The following EFCAB11 variants were observed in gnomAD, a reference collection of about 807,000 sequenced individuals.
EFCAB11 encodes EF-hand calcium-binding domain-containing protein 11.
A neutral mutation model predicts 23.0 loss-of-function variants in EFCAB11; 14 were observed. The ratio of observed to expected loss-of-function variants is 0.61; its 90% confidence interval spans 0.40 to 0.95. The LOEUF (loss-of-function observed/expected upper bound fraction) is 0.95, where lower values mean the gene tolerates loss of function less well. Among genes scored for constraint, EFCAB11 ranks in the 40% least tolerant of loss-of-function variants. The pLI, the probability that EFCAB11 is intolerant of heterozygous loss-of-function variation, is 0.00. For synonymous variants in EFCAB11, 65 were observed against 66.6 expected, an observed-to-expected ratio of 0.98 and a Z score of 0.11; for missense variants, 198 against 195.8, an observed-to-expected ratio of 1.01 and a Z score of -0.07.
At chr14:89,895,329 C>G (rs932625264) in intron 5 of EFCAB11, among the ~76,000 whole-genome samples, 1 of 152,128 alleles carries the variant, frequency 6.6e-6, no homozygotes, top group Non-Finnish European at 1.5e-5. Context: ...GAAATCTGAA[C>G]AGTTTCTGGT....
intron 5 of EFCAB11, chr14:89,923,722 T>C: frequency 1.0e-6 from 1 of 985,456 alleles, no homozygotes; most frequent in South Asian, 4.7e-5. Flanking sequence ...TTAATAACTG[T>C]GATCTTACTG....
At chr14:89,892,062 T>G in intron 5 of EFCAB11, 1 of 1,541,118 alleles carries the variant, frequency 6.5e-7, no homozygotes. Context: ...GTGGGTGTCC[T>G]GCTGGTCTTT....
rs1399229373 is a variant in EFCAB11, at chr14:89,834,388, A to AC, written c.411-37065_411-37064insG. On this transcript the variant is annotated intron_variant, in intron 5 of 5. Transcript: ENST00000316738. ...GAGACTCCGTCTCAAAAAAAAAAAA[A>AC]AAAAAAAAAAAAAAACCTTTTTGTT... is the stretch of plus-strand genomic sequence containing the variant. 8.3e-4 allele frequency among the ~76,000 whole-genome samples: 124 copies of AC among 148,984 alleles called. 1 individual carries two copies. The highest frequency in any genetic ancestry group is 2.2e-3 in the African/African-American group (90 of 40,310).
At chr14:89,826,006 A>C (rs1181133996) in intron 5 of EFCAB11, among the ~76,000 whole-genome samples, 20 of 152,188 alleles carry the variant, frequency 1.3e-4, no homozygotes, top group Admixed American at 1.3e-3. Flanking sequence ...ATAGTAGCCA[A>C]TAAGACTGAC....
At chr14:89,851,155 T>C (rs1596401295) in intron 5 of EFCAB11, among the ~76,000 whole-genome samples, 1 of 152,218 alleles carries the variant, frequency 6.6e-6, no homozygotes, top group Non-Finnish European at 1.5e-5. Flanking sequence ...TTACCCTCTA[T>C]CCAGCCATTA....
At chr14:89,852,806 A>G (rs1032607699) in intron 5 of EFCAB11, among the ~76,000 whole-genome samples, 3 of 152,230 alleles carry the variant, frequency 2.0e-5, no homozygotes, top group African/African-American at 7.2e-5. Flanking sequence ...GCCATTTTTA[A>G]GTCCAGTCAC....
intron 5 of EFCAB11, among the ~76,000 whole-genome samples, chr14:89,891,403 C>A (rs2140188727): frequency 6.6e-6 from 1 of 152,188 alleles, no homozygotes; most frequent in Non-Finnish European, 1.5e-5. Context: ...TACCTTTGTA[C>A]TTTTAATTCA....
chr14:89,921,377 G>C (rs1890018702), intron 5 of EFCAB11, among the ~76,000 whole-genome samples: 1 of 152,136 alleles, frequency 6.6e-6, no homozygotes, highest in Non-Finnish European at 1.5e-5. Context: ...TTATTTGGTA[G>C]GGAATAAAAA....
At chr14:89,917,052 TC>T (rs1376079799) in intron 5 of EFCAB11, among the ~76,000 whole-genome samples, 19 of 116,794 alleles carry the variant, frequency 1.6e-4, no homozygotes, top group Non-Finnish European at 3.2e-4. Context: ...CTGACATGCT[TC>T]GTGTGTGTGT....
intron 5 of EFCAB11, among the ~76,000 whole-genome samples, chr14:89,870,155 G>A (rs1213961522): frequency 6.6e-6 from 1 of 152,100 alleles, no homozygotes; most frequent in African/African-American, 2.4e-5. Flanking sequence ...ATAAACATAG[G>A]TGTTTAGCAT....
At chr14:89,804,495 A>G (rs538041607) in intron 5 of EFCAB11, among the ~76,000 whole-genome samples, 29 of 152,354 alleles carry the variant, frequency 1.9e-4, no homozygotes, top group African/African-American at 7.0e-4. Flanking sequence ...CGCTCATAGT[A>G]GTAATGAGCT....
chr14:89,925,971 G>A lies in EFCAB11; in HGVS notation c.410+5570C>T, dbSNP rs1445751188. ...AGCCTCCTGAGTAGCTGGGATTACA[G>A]GTATGCACCACCATGCTGGGATAAT... On this transcript the variant is annotated intron_variant, in intron 5 of 5. Transcript: ENST00000316738. 2.0e-5 allele frequency among the ~76,000 whole-genome samples: 3 copies of A among 152,122 alleles called. No individual in the cohort carries two copies. The East Asian group carries it at 5.8e-4, about 29-fold the overall frequency.
At chr14:89,799,062 T>C (rs1414863469) in intron 5 of EFCAB11, 1 of 152,282 alleles carries the variant, frequency 6.6e-6, no homozygotes, top group Non-Finnish European at 1.5e-5. Flanking sequence ...GTGCTGGGAT[T>C]ATAGGCATGA....
At position 89,817,731 on chromosome 14, in the gene EFCAB11, C is replaced by T. The variant is rs183963613; in HGVS notation, c.411-20407G>A. Among the ~76,000 whole-genome samples, 18 of 152,250 alleles carry T rather than the reference C, an allele frequency of 1.2e-4. No homozygotes were observed. In the East Asian group the frequency reaches 2.9e-3, roughly 24 times the overall value. Reference sequence around the variant, plus strand: ...TTGCAAGGCCAGGCGCGGTGGCTCACGCTTGTAATCCCAGCACTTTGGGAG... The same window carrying T: ...TTGCAAGGCCAGGCGCGGTGGCTCATGCTTGTAATCCCAGCACTTTGGGAG... On this transcript the variant is annotated intron_variant, in intron 5 of 5. Transcript: ENST00000316738.
chr14:89,797,467 GT>G, intron 5 of EFCAB11, 143 bp from the exon 6 acceptor site: 1 of 540,330 alleles, frequency 1.9e-6, no homozygotes, highest in African/African-American at 1.9e-5. Context: ...ATTGATGCCT[GT>G]TTTTTCATTG....
chr14:89,853,473 T>A (rs1351202750), intron 5 of EFCAB11, among the ~76,000 whole-genome samples: 1 of 152,144 alleles, frequency 6.6e-6, no homozygotes, highest in Non-Finnish European at 1.5e-5. Context: ...AATATTACCA[T>A]CATTCTCATT....
intron 5 of EFCAB11, among the ~76,000 whole-genome samples, chr14:89,908,825 C>G (rs1000977271): frequency 2.0e-5 from 3 of 152,258 alleles, no homozygotes; most frequent in African/African-American, 7.2e-5. Flanking sequence ...CCCTCAGCGG[C>G]AGGTTTGTTC....
rs890466242 is a variant in EFCAB11, at chr14:89,919,185, T to TGA, written c.410+12354_410+12355dup. On this transcript the variant is annotated intron_variant, in intron 5 of 5. Transcript: ENST00000316738. ...GAGATTTCTCAGACATCACACTTGATGAGAGAGAGAGAGAGAGACAGAGAG... is the reference window on the plus strand; with the variant it reads ...GAGATTTCTCAGACATCACACTTGATGAGAGAGAGAGAGAGAGAGACAGAGAG... Among the ~76,000 whole-genome samples, 20 of 138,350 alleles carry TGA rather than the reference T, an allele frequency of 1.4e-4. No individual in the cohort carries two copies. In the South Asian group the frequency reaches 3.0e-3, roughly 21 times the overall value. 90.8% of individuals were successfully genotyped at this position (138,350 alleles called of 152,430 possible). A position where few individuals can be genotyped will look rare whatever the true frequency, so the allele number is the denominator to read the frequency against.
intron 5 of EFCAB11, among the ~76,000 whole-genome samples, chr14:89,826,282 A>T (rs763577917): frequency 1.3e-5 from 2 of 152,052 alleles, no homozygotes; most frequent in Non-Finnish European, 2.9e-5. Context: ...TTAAATAGGG[A>T]GGGTTGGGGA....
Sources: allele counts gnomAD v4.1 joint callset (sites outside exome capture counted in the v4.1 genomes callset), GRCh38; gene constraint gnomAD v4.1.1; transcripts MANE v1.5; gene names NCBI Gene and HGNC (gene_info 2026-07-23, HGNC 2026-07-21).